DAAM2: variants seen among roughly 807,000 people sequenced by gnomAD.
DAAM2 encodes the protein disheveled-associated activator of morphogenesis 2.
DAAM2 carries 39 observed loss-of-function variants against 120.7 expected under a neutral mutation model. That is an observed-to-expected ratio of 0.32 (90% CI 0.25 to 0.42). DAAM2 has a LOEUF of 0.42. DAAM2 is among the 10% of genes least tolerant of loss of function. The pLI is 1.00. For synonymous variants in DAAM2, 488 were observed against 524.9 expected (o/e 0.93, Z 0.96); for missense variants, 1,283 against 1,401.7 (o/e 0.92, Z 1.35).
In DAAM2 at chr6:39,872,485, C is replaced by T. The variant is rs115760410; in HGVS notation, c.1045-753C>T. Among the ~76,000 whole-genome samples the T allele has an allele frequency of 9.9e-3, 1,513 of 152,276 alleles. 18 individuals carry two copies. The highest frequency in any genetic ancestry group is 0.034 in the African/African-American group (1,427 of 41,530). On this transcript the variant is annotated intron_variant, in intron 9 of 24. Transcript: ENST00000274867. ...CTTTCCCCTGCCTTCCAGCAACTTCCTGAGTCCCCTCTCCCCATCCCTAAC... is the reference window on the plus strand; with the variant it reads ...CTTTCCCCTGCCTTCCAGCAACTTCTTGAGTCCCCTCTCCCCATCCCTAAC...
intron 1 of DAAM2, among the ~76,000 whole-genome samples, chr6:39,834,985 G>T (rs1763051436): frequency 6.6e-6 from 1 of 152,154 alleles, no homozygotes; most frequent in Non-Finnish European, 1.5e-5. Flanking sequence ...AGCGGTATTA[G>T]GTGCCTCTCT....
At chr6:39,801,809 G>A (rs115914714) in intron 1 of DAAM2, among the ~76,000 whole-genome samples, 1 of 152,128 alleles carries the variant, frequency 6.6e-6, no homozygotes, top group Non-Finnish European at 1.5e-5. Flanking sequence ...ATTCCCGGGG[G>A]GTCAGTGTTA....
intron 2 of DAAM2, among the ~76,000 whole-genome samples, chr6:39,857,178 C>T (rs964555768): frequency 6.6e-6 from 1 of 152,202 alleles, no homozygotes; most frequent in African/African-American, 2.4e-5. Flanking sequence ...GATTCCTTCT[C>T]TCTTTGGAGG....
rs908782238 is a variant in DAAM2, at chr6:39,826,444, C to A, written c.-56-29803C>A. ...GTGGTGTCCTAAAGCTGGGGAGAAGCCACTTAGGGTTTTGGGGGACTCTCG... is the reference window on the plus strand; with the variant it reads ...GTGGTGTCCTAAAGCTGGGGAGAAGACACTTAGGGTTTTGGGGGACTCTCG... On this transcript the variant is annotated intron_variant, in intron 1 of 24. Transcript: ENST00000274867. Among the ~76,000 whole-genome samples the A allele has an allele frequency of 2.0e-5, 3 of 152,176 alleles. No individual in the cohort carries two copies. In the East Asian group the frequency reaches 5.8e-4, roughly 29 times the overall value.
At chr6:39,824,008 G>A (rs912152558) in intron 1 of DAAM2, among the ~76,000 whole-genome samples, 4 of 152,052 alleles carry the variant, frequency 2.6e-5, no homozygotes, top group African/African-American at 7.2e-5. Flanking sequence ...CATTCTGGTC[G>A]TCTTTTCTCC....
intron 1 of DAAM2, among the ~76,000 whole-genome samples, chr6:39,818,505 G>A (rs1304096251): frequency 2.0e-5 from 3 of 152,222 alleles, no homozygotes; most frequent in Admixed American, 6.5e-5. Context: ...TGCAGAAATA[G>A]TGTTAGACTT....
At chr6:39,870,299 A>C (rs2149313118) in intron 7 of DAAM2, 41 bp from the exon 8 acceptor site, 1 of 1,289,280 alleles carries the variant, frequency 7.8e-7, no homozygotes, top group Non-Finnish European at 1.1e-6. Flanking sequence ...GTGGAAACTG[A>C]GATCTGCCAA....
At position 39,901,434 on chromosome 6, in the gene DAAM2, AAGGAGG is replaced by A. The variant is rs764131369; in HGVS notation, c.2953_2958del (p.Glu985_Glu986del). On this transcript the variant is annotated inframe_deletion, in exon 24 of 25. Coordinates refer to ENST00000274867, the MANE Select transcript of DAAM2 (RefSeq NM_001201427.2). This position sits in a 1 kb window ranked among gnomAD's most constrained non-coding sequence, Gnocchi z 4.5. ...GGATCTAGAGGCCATGAGGAGGAGGAAGGAGGAGGAGGAGCGGCGGGCGCGCATGGA... is the reference window on the plus strand; with the variant it reads ...GGATCTAGAGGCCATGAGGAGGAGGAAGGAGGAGCGGCGGGCGCGCATGGA... 20 of 1,612,284 alleles carry A rather than the reference AAGGAGG, an allele frequency of 1.2e-5. No homozygotes were observed. Among genetic ancestry groups the A allele is most frequent in the Non-Finnish European group, 1.7e-5 (20 of 1,179,692 alleles).
At chr6:39,794,582 T>C (rs1474026990) in intron 1 of DAAM2, among the ~76,000 whole-genome samples, 2 of 152,112 alleles carry the variant, frequency 1.3e-5, no homozygotes, top group African/African-American at 4.8e-5. Context: ...CTGTAAATGA[T>C]TTTGTTTTTG....
intron 19 of DAAM2, among the ~76,000 whole-genome samples, chr6:39,892,491 T>A (rs1318576404): frequency 6.6e-6 from 1 of 152,154 alleles, no homozygotes; most frequent in Non-Finnish European, 1.5e-5. Context: ...CCCCAGGGGC[T>A]GCCTGTGCTG....
chr6:39,877,850 T>G (rs1764933214), intron 11 of DAAM2, among the ~76,000 whole-genome samples: 2 of 152,174 alleles, frequency 1.3e-5, no homozygotes, highest in Admixed American at 6.5e-5. Context: ...TACAAGGAGG[T>G]GCAAGTCATG....
At position 39,864,460 on chromosome 6, in the gene DAAM2, A is replaced by G. The variant is rs1217188836; in HGVS notation, c.286A>G (p.Thr96Ala). The stretch of plus-strand genomic sequence containing the variant: ...GCAGGAGGACCCCAACAAGCTGGCA[A>G]CCAGCTGGCCTGACTATTACATCGA... ...KEQEDPNKLA[T>A]SWPDYYIDRI... The change falls in exon 4 of 25, where the codon ACC becomes GCC. Residue 96 changes from threonine (T) to alanine (A), a missense_variant. This residue lies in a region of DAAM2 where 197 missense variants were observed against 189.3 expected (regional missense o/e 1.04). Coordinates refer to ENST00000274867, the MANE Select transcript of DAAM2 (RefSeq NM_001201427.2). 1.2e-6 allele frequency: 2 copies of G among 1,612,724 alleles called. No individual in the cohort carries two copies. The highest frequency in any genetic ancestry group is 1.7e-6 in the Non-Finnish European group (2 of 1,179,624).
intron 15 of DAAM2, chr6:39,885,031 T>C (rs1765313713): frequency 6.6e-6 from 1 of 152,212 alleles, no homozygotes; most frequent in Non-Finnish European, 1.5e-5. Context: ...TTGTTTTCTT[T>C]ACTTAGCCTG....
In DAAM2 at chr6:39,891,618, T is replaced by C. The variant is rs773366561; in HGVS notation, c.2253-16T>C. ...AGGGGTGGGATACCTCAAGATATGGTTCACCTTGTCTACAGGATTGACCAC... is the reference window on the plus strand; with the variant it reads ...AGGGGTGGGATACCTCAAGATATGGCTCACCTTGTCTACAGGATTGACCAC... On this transcript the variant is annotated splice_polypyrimidine_tract_variant and intron_variant, in intron 18 of 24. Transcript: ENST00000274867. 6 of 1,607,654 alleles carry C rather than the reference T, an allele frequency of 3.7e-6. No homozygotes were observed. In the Admixed American group the frequency reaches 1.0e-4, roughly 27 times the overall value.
intron 1 of DAAM2, among the ~76,000 whole-genome samples, chr6:39,852,021 C>G (rs1763825929): frequency 6.6e-6 from 1 of 152,154 alleles, no homozygotes; most frequent in African/African-American, 2.4e-5. Flanking sequence ...TGTCTTAGGC[C>G]AGTTGGTCTG....
At chr6:39,807,315 A>G (rs1762038011) in intron 1 of DAAM2, among the ~76,000 whole-genome samples, 1 of 152,236 alleles carries the variant, frequency 6.6e-6, no homozygotes, top group South Asian at 2.1e-4. Context: ...AGTAAGTTAA[A>G]ATCATGTAAA....
chr6:39,878,339 G>A lies in DAAM2; in HGVS notation c.1361-65G>A. ...CAGCCCATAACTCCATGCCCTTCCAGGCAGGGAGTCACATTACTCACATTC... is the reference window on the plus strand; with the variant it reads ...CAGCCCATAACTCCATGCCCTTCCAAGCAGGGAGTCACATTACTCACATTC... On this transcript the variant is annotated intron_variant, in intron 12 of 24. Transcript: ENST00000274867. This position sits in a 1 kb window ranked among gnomAD's most constrained non-coding sequence, Gnocchi z 5.0. 1 of 1,610,220 alleles carries A rather than the reference G, an allele frequency of 6.2e-7. No individual in the cohort carries two copies. Among genetic ancestry groups the A allele is most frequent in the Non-Finnish European group, 8.5e-7 (1 of 1,177,426 alleles).
At chr6:39,850,084 C>T (rs2149271395) in intron 1 of DAAM2, among the ~76,000 whole-genome samples, 1 of 152,290 alleles carries the variant, frequency 6.6e-6, no homozygotes, top group South Asian at 2.1e-4. Flanking sequence ...GGAATAGGCT[C>T]CCCAGGATGC....
chr6:39,899,875 T>C lies in DAAM2; in HGVS notation c.2680-202T>C, dbSNP rs1237930638. 5.6e-6 allele frequency: 3 copies of C among 538,230 alleles called. No homozygotes were observed. In the Admixed American group the frequency reaches 1.0e-4, roughly 19 times the overall value. The allele number at this position is 538,230 out of a possible 1,614,324, so 33.3% of individuals were successfully genotyped here. A position where few individuals can be genotyped will look rare whatever the true frequency, so the allele number is the denominator to read the frequency against. ...CAGGTCACATGTTGGGTCTCAGTGC[T>C]CTAGAGAAAGAAAGATGGCAGGGTG... is the stretch of plus-strand genomic sequence containing the variant. On this transcript the variant is annotated intron_variant, in intron 22 of 24. Coordinates refer to ENST00000274867, the MANE Select transcript of DAAM2 (RefSeq NM_001201427.2).
Sources: gnomAD v4.1 joint callset for allele counts (sites outside exome capture counted in the v4.1 genomes callset) on GRCh38, gnomAD v4.1.1 for gene constraint, gnomAD v4.1.1 regional missense constraint, Gnocchi (gnomAD v3.1) non-coding constraint, MANE v1.5 for transcripts, NCBI Gene and HGNC (gene_info 2026-07-23, HGNC 2026-07-21) for gene names.